SMAD7: variants seen among roughly 807,000 people sequenced by gnomAD.
SMAD7 encodes the protein MAD (mothers against decapentaplegic, Drosophila) homolog 7.
Under a neutral mutation model 38.7 loss-of-function variants are expected in SMAD7, and 8 were observed. The ratio of observed to expected loss-of-function variants is 0.21; its 90% CI spans 0.12 to 0.37. The LOEUF (loss-of-function observed/expected upper bound fraction) is 0.37. SMAD7 is among the 10% of genes least tolerant of loss of function. SMAD7 has a pLI of 1.00. For synonymous variants in SMAD7, 327 were observed against 265.1 expected (o/e 1.23, Z -2.27); for missense variants, 477 against 577.9 (o/e 0.83, Z 1.79).
At position 48,949,892 on chromosome 18, in the gene SMAD7, C is replaced by T; in HGVS notation, c.533G>A (p.Cys178Tyr). ...LRHSSEVKRL[C>Y]CCESYGKINP... is the part of the protein sequence containing the mutation. ...GATCTTCCCGTAAGATTCACAGCAA[C>T]ACAGCCTCTTGACTTCCGAGGAATG... Residue 178 changes from cysteine to tyrosine, a missense_variant, in exon 1 of 4, where the codon TGT (cysteine) becomes TAT (tyrosine). Physicochemically the swap from Cys to Tyr is radical, Grantham distance 194. Transcript: ENST00000262158. The T allele has an allele frequency of 6.2e-7, 1 of 1,613,824 alleles. No homozygotes were observed. The highest frequency in any genetic ancestry group is 2.2e-5 in the East Asian group (1 of 44,842).
intron 3 of SMAD7, among the ~76,000 whole-genome samples, chr18:48,939,887 C>T (rs1013503054): frequency 2.6e-5 from 4 of 151,086 alleles, no homozygotes; most frequent in Admixed American, 1.3e-4. Context: ...AGCCCTGCCA[C>T]ATCCAGTCAC....
chr18:48,930,841 G>A (rs140903709), intron 3 of SMAD7, among the ~76,000 whole-genome samples: 12 of 152,176 alleles, frequency 7.9e-5, no homozygotes, highest in African/African-American at 2.2e-4. Flanking sequence ...AACTGAAAGC[G>A]GCGACTCCAG....
intron 3 of SMAD7, among the ~76,000 whole-genome samples, chr18:48,925,902 A>G: frequency 6.6e-6 from 1 of 151,878 alleles, no homozygotes; most frequent in East Asian, 1.9e-4. Flanking sequence ...ACCCGCCACC[A>G]CGCCTGGCTA....
chr18:48,948,950 C>G (rs1293117091), intron 1 of SMAD7, among the ~76,000 whole-genome samples: 2 of 152,194 alleles, frequency 1.3e-5, no homozygotes, highest in African/African-American at 2.4e-5. Flanking sequence ...TGCGGGCGCC[C>G]GGGGTGAACC....
rs1006757710 is a variant in SMAD7, at chr18:48,948,704, C to G, written c.614-267G>C. On this transcript the variant is annotated intron_variant, in intron 1 of 3. Coordinates refer to ENST00000262158, the MANE Select transcript of SMAD7 (RefSeq NM_005904.4). ...CCCGGCTGGAAACCACCGGCTCGGC[C>G]GGAGCCGCGCACTTCACAGTTCACA... Among the ~76,000 whole-genome samples, 7 of 152,356 alleles carry G rather than the reference C, an allele frequency of 4.6e-5. 1 individual carries two copies. In the East Asian group the frequency reaches 1.4e-3, roughly 29 times the overall value.
intron 3 of SMAD7, among the ~76,000 whole-genome samples, chr18:48,923,362 G>A (rs1053573474): frequency 5.3e-5 from 8 of 152,150 alleles, no homozygotes; most frequent in Non-Finnish European, 8.8e-5. Context: ...AGATGGGGCC[G>A]CATCCTGCTG....
At chr18:48,931,193 A>G (rs1245462075) in intron 3 of SMAD7, among the ~76,000 whole-genome samples, 1 of 152,222 alleles carries the variant, frequency 6.6e-6, no homozygotes, top group Non-Finnish European at 1.5e-5. Context: ...TTTCATGGGA[A>G]CAAAGTTTCA....
chr18:48,933,909 G>A (rs1221158135), intron 3 of SMAD7, among the ~76,000 whole-genome samples: 1 of 152,236 alleles, frequency 6.6e-6, no homozygotes, highest in Non-Finnish European at 1.5e-5. Context: ...AGCACGCTAA[G>A]GAAAAAGCTG....
chr18:48,940,541 A>C (rs2070125904), intron 3 of SMAD7, among the ~76,000 whole-genome samples: 1 of 152,068 alleles, frequency 6.6e-6, no homozygotes, highest in African/African-American at 2.4e-5. Flanking sequence ...ATCCGAGGTC[A>C]GGAGTTCAAG....
At chr18:48,937,263 CATGTGTGTGT>C (rs961046192) in intron 3 of SMAD7, among the ~76,000 whole-genome samples, 2 of 69,082 alleles carry the variant, frequency 2.9e-5, no homozygotes, top group African/African-American at 1.3e-4. Flanking sequence ...TAAGTAAAGG[CATGTGTGTGT>C]GTGTGTGTGT....
rs1396390415 is a variant in SMAD7 at position 48,948,423 on chromosome 18, G to C, written c.628C>G (p.Pro210Ala). Reference sequence around the variant, plus strand: ...AAATCCATCGGGTATCTGGAGTAAGGAGGGGGGGGAGACTCTGAAATTAAA... The same window carrying C: ...AAATCCATCGGGTATCTGGAGTAAGCAGGGGGGGGAGACTCTGAAATTAAA... ...RLCELESPPP[P>A]YSRYPMDFLK... Residue 210 changes from proline (P) to alanine (A), a missense_variant, in exon 2 of 4, where the codon CCT (proline) becomes GCT (alanine). By Grantham distance (27) the Pro-to-Ala change is conservative (BLOSUM62 -1). Around this residue, in one of 2 missense-constraint regions of SMAD7, gnomAD observed 376 missense variants for 379.4 expected, o/e 0.99. Transcript: ENST00000262158. 6.3e-7 allele frequency: 1 copy of C among 1,597,280 alleles called. No individual in the cohort carries two copies.
In SMAD7 at chr18:48,950,416, C is replaced by T; in HGVS notation, c.9G>A (p.Arg3=). The T allele has an allele frequency of 6.5e-7, 1 of 1,549,808 alleles. No individual in the cohort carries two copies. The highest frequency in any genetic ancestry group is 8.7e-7 in the Non-Finnish European group (1 of 1,150,034). ...GCCGGACGAGCGCAGATCGTTTGGT[C>T]CTGAACATGCGGGGCGAGGAGGCGA... The part of the protein sequence containing the change: MF[R]TKRSALVRRL... Residue 3 remains arginine (R), a synonymous_variant, in exon 1 of 4, where the codon AGG becomes AGA. Coordinates refer to ENST00000262158, the MANE Select transcript of SMAD7 (RefSeq NM_005904.4).
chr18:48,942,135 A>G (rs2070147622), intron 3 of SMAD7, among the ~76,000 whole-genome samples: 1 of 152,204 alleles, frequency 6.6e-6, no homozygotes, highest in Non-Finnish European at 1.5e-5. Flanking sequence ...GCAAAAAAAG[A>G]GCTCAAATGC....
chr18:48,949,299 G>A (rs2070233064), intron 1 of SMAD7: 1 of 984,604 alleles, frequency 1.0e-6, no homozygotes, highest in Non-Finnish European at 1.2e-6. Context: ...CAGTATCTGG[G>A]CCACTGGTGT....
chr18:48,944,258 T>C (rs528820911), intron 2 of SMAD7, among the ~76,000 whole-genome samples: 9 of 152,110 alleles, frequency 5.9e-5, no homozygotes, highest in Non-Finnish European at 1.3e-4. Flanking sequence ...TAATGACTTA[T>C]CCACAGCCAC....
Position 48,929,573 on chromosome 18 carries a change from T to TCTCA in SMAD7, c.743-7664_743-7663insTGAG, listed in dbSNP as rs1555716133. Among the ~76,000 whole-genome samples, 3 of 137,424 alleles carry TCTCA rather than the reference T, an allele frequency of 2.2e-5. No homozygotes were observed. In the East Asian group the frequency reaches 6.6e-4, roughly 30 times the overall value. 90.2% of individuals were successfully genotyped at this position (137,424 alleles called of 152,430 possible). ...CTTTCTCTCTCTCTCTCTCTCTCACTCACACACACACACACACACACACAC... is the reference window on the plus strand; with the variant it reads ...CTTTCTCTCTCTCTCTCTCTCTCACTCTCACACACACACACACACACACACACAC... On this transcript the variant is annotated intron_variant, in intron 3 of 3. Coordinates refer to ENST00000262158, the MANE Select transcript of SMAD7 (RefSeq NM_005904.4).
intron 3 of SMAD7, among the ~76,000 whole-genome samples, chr18:48,935,783 A>C (rs1403756270): frequency 4.6e-5 from 7 of 152,148 alleles, no homozygotes; most frequent in African/African-American, 1.7e-4. Flanking sequence ...TTGCTCAGGT[A>C]ACACACAGCA....
intron 2 of SMAD7, among the ~76,000 whole-genome samples, chr18:48,947,499 T>A (rs2070208131): frequency 6.6e-6 from 1 of 152,212 alleles, no homozygotes; most frequent in Non-Finnish European, 1.5e-5. Flanking sequence ...GTATTAATGT[T>A]TTTTTCAGGC....
rs952320199 is a variant in SMAD7 at position 48,950,962 on chromosome 18, C to A, written c.-538G>T. Reference sequence around the variant, plus strand: ...TAATTTGGGGGTGGGGAGAAGCAGGCAATTAAAAAAAAAAAAGCAAGCGAT... The same window carrying A: ...TAATTTGGGGGTGGGGAGAAGCAGGAAATTAAAAAAAAAAAAGCAAGCGAT... On this transcript the variant is annotated 5_prime_UTR_variant, in exon 1 of 4. Coordinates refer to ENST00000262158, the MANE Select transcript of SMAD7 (RefSeq NM_005904.4). Among the ~76,000 whole-genome samples the A allele has an allele frequency of 1.3e-5, 2 of 148,160 alleles. No individual in the cohort carries two copies. Among genetic ancestry groups the A allele is most frequent in the African/African-American group, 2.5e-5 (1 of 40,150 alleles).
Sources: gnomAD v4.1 joint callset for allele counts (sites outside exome capture counted in the v4.1 genomes callset) on GRCh38, gnomAD v4.1.1 for gene constraint, gnomAD v4.1.1 regional missense constraint, MANE v1.5 for transcripts, NCBI Gene and HGNC (gene_info 2026-07-23, HGNC 2026-07-21) for gene names.